EPHA6: variants seen among roughly 807,000 people sequenced by gnomAD.
EPHA6 encodes ephrin type-A receptor 6.
EPHA6 carries 50 observed loss-of-function variants against 112.0 expected under a neutral mutation model. The observed-to-expected ratio is 0.45, with a 90% CI of 0.36 to 0.56. The LOEUF is 0.56. Ranked by LOEUF, EPHA6 falls within the 20% of genes least tolerant of loss-of-function variation. The probability of loss-of-function intolerance (pLI) is 0.00; values close to 1 mark genes in which losing one functional copy is unlikely to be tolerated. For missense variants in EPHA6, 1,280 were observed against 1,417.4 expected, an observed-to-expected ratio of 0.90 and a Z score of 1.56; for synonymous variants, 529 against 490.7, an observed-to-expected ratio of 1.08 and a Z score of -1.03.
At chr3:97,105,346 T>C (rs1233080036) in intron 3 of EPHA6, among the ~76,000 whole-genome samples, 2 of 152,142 alleles carry the variant, frequency 1.3e-5, no homozygotes, top group Non-Finnish European at 2.9e-5. Flanking sequence ...TTCTGGTATG[T>C]TGTATCTTTG....
intron 14 of EPHA6, chr3:97,648,661 A>G: frequency 9.4e-7 from 1 of 1,068,326 alleles, no homozygotes; most frequent in Non-Finnish European, 1.1e-6. Context: ...AAACATACTC[A>G]GAACTTTCAC....
intron 1 of EPHA6, among the ~76,000 whole-genome samples, chr3:96,827,222 A>C (rs537943113): frequency 2.6e-5 from 4 of 152,214 alleles, no homozygotes; most frequent in Middle Eastern, 3.4e-3. Flanking sequence ...GCTCTGAGAA[A>C]GTTTTTCTTG....
intron 3 of EPHA6, among the ~76,000 whole-genome samples, chr3:97,113,882 C>G (rs1419061737): frequency 1.3e-5 from 2 of 152,044 alleles, no homozygotes; most frequent in East Asian, 1.9e-4. Context: ...ATATTTTATG[C>G]ATATCTAGTG....
chr3:97,060,768 A>G (rs2045992804), intron 3 of EPHA6, among the ~76,000 whole-genome samples: 1 of 151,336 alleles, frequency 6.6e-6, no homozygotes, highest in Non-Finnish European at 1.5e-5. Context: ...AAAAAAAATA[A>G]TAATAATTAG....
intron 5 of EPHA6, among the ~76,000 whole-genome samples, chr3:97,347,083 G>A (rs550355585): frequency 2.0e-5 from 3 of 152,158 alleles, no homozygotes; most frequent in Non-Finnish European, 4.4e-5. Flanking sequence ...GAGACCACCA[G>A]TTGTCTCTGA....
At chr3:97,581,328 ATTTTAC>A (rs1421354049) in intron 11 of EPHA6, among the ~76,000 whole-genome samples, 1 of 152,190 alleles carries the variant, frequency 6.6e-6, no homozygotes, top group African/African-American at 2.4e-5. Flanking sequence ...GAATGTTGTC[ATTTTAC>A]TTTTAGAAGT....
intron 3 of EPHA6, among the ~76,000 whole-genome samples, chr3:97,191,783 G>T (rs1295217190): frequency 6.6e-6 from 1 of 152,148 alleles, no homozygotes; most frequent in African/African-American, 2.4e-5. Flanking sequence ...GTAGTGCTGA[G>T]ATAAATATGG....
intron 11 of EPHA6, among the ~76,000 whole-genome samples, chr3:97,566,393 A>G (rs1342883953): frequency 6.6e-6 from 1 of 152,148 alleles, no homozygotes; most frequent in African/African-American, 2.4e-5. Flanking sequence ...TCAGTACTCA[A>G]CCTATCTGGT....
chr3:96,814,775 CG>C lies in EPHA6; in HGVS notation c.155del (p.Gly52AlafsTer33), dbSNP rs771576184. The C allele has an allele frequency of 6.2e-7, 1 of 1,601,580 alleles. No individual in the cohort carries two copies. Among genetic ancestry groups the C allele is most frequent in the Non-Finnish European group, 8.5e-7 (1 of 1,172,906 alleles). On this transcript the variant is annotated frameshift_variant, in exon 1 of 18. Coordinates refer to ENST00000389672, the MANE Select transcript of EPHA6 (RefSeq NM_001080448.3). LOFTEE classifies it high-confidence loss of function. Reference protein sequence around the residue: ...SRRGRPGTPPAGRVEEEEEEE... With the variant: ...SRRGRPGTPPXGRVEEEEEEE... The stretch of plus-strand genomic sequence containing the variant: ...AGGGGGCGCCCCGGGACACCCCCTG[CG>C]GGCCGGGTGGAGGAGGAAGAGGAGG...
intron 11 of EPHA6, among the ~76,000 whole-genome samples, chr3:97,586,606 TACAC>T (rs1322096229): frequency 2.6e-5 from 4 of 151,134 alleles, no homozygotes; most frequent in Non-Finnish European, 4.4e-5. Context: ...TGGAGGGAAA[TACAC>T]AGTCTGACAA....
At chr3:97,210,976 C>G (rs1478497717) in intron 3 of EPHA6, among the ~76,000 whole-genome samples, 1 of 152,178 alleles carries the variant, frequency 6.6e-6, no homozygotes, top group East Asian at 1.9e-4. Context: ...GCGTGGCCAT[C>G]TCCATGGCTG....
At chr3:97,059,466 T>A (rs2108115588) in intron 3 of EPHA6, among the ~76,000 whole-genome samples, 1 of 152,180 alleles carries the variant, frequency 6.6e-6, no homozygotes, top group Middle Eastern at 3.4e-3. Flanking sequence ...GGATTTCATA[T>A]TTTCAGTCAT....
chr3:97,324,439 T>G (rs1459965416), intron 5 of EPHA6, among the ~76,000 whole-genome samples: 2 of 147,794 alleles, frequency 1.4e-5, no homozygotes, highest in Admixed American at 6.8e-5. Flanking sequence ...CTTTCTTTCT[T>G]TCTTTCTTTC....
chr3:97,285,846 TC>T (rs1292463294), intron 5 of EPHA6, among the ~76,000 whole-genome samples: 1 of 152,120 alleles, frequency 6.6e-6, no homozygotes, highest in Non-Finnish European at 1.5e-5. Flanking sequence ...TAATTTACAT[TC>T]CCACCAACAG....
chr3:97,550,707 A>G lies in EPHA6; in HGVS notation c.2386+18164A>G, dbSNP rs576470232. On this transcript the variant is annotated intron_variant, in intron 11 of 17. Transcript: ENST00000389672. ...CAGGAAGAATACATTCAAGAAATAG[A>G]GGGGGAAATCCTGTGTGATATTAAG... 6.6e-5 allele frequency among the ~76,000 whole-genome samples: 10 copies of G among 152,282 alleles called. No individual in the cohort carries two copies. The East Asian group carries it at 1.9e-3, about 29-fold the overall frequency.
chr3:97,648,187 A>G, intron 14 of EPHA6: 1 of 567,140 alleles, frequency 1.8e-6, no homozygotes, highest in Non-Finnish European at 3.1e-6. Flanking sequence ...ATTCAGTCGA[A>G]ATACTTTGTT....
intron 3 of EPHA6, among the ~76,000 whole-genome samples, chr3:97,107,366 G>A (rs368153673): frequency 1.3e-5 from 2 of 151,776 alleles, no homozygotes; most frequent in Non-Finnish European, 2.9e-5. Context: ...TTTCATAACC[G>A]AGTCATCCTG....
At chr3:97,334,465 CT>C (rs1197089262) in intron 5 of EPHA6, among the ~76,000 whole-genome samples, 2 of 142,880 alleles carry the variant, frequency 1.4e-5, no homozygotes, top group Non-Finnish European at 3.0e-5. Context: ...TCTTTTCTTT[CT>C]TTTTTTTTCT....
chr3:97,187,521 A>G (rs1018456762), intron 3 of EPHA6, among the ~76,000 whole-genome samples: 2 of 151,380 alleles, frequency 1.3e-5, no homozygotes, highest in African/African-American at 4.9e-5. Context: ...CAGTGAGCCA[A>G]GATTGTAACA....
Sources: gnomAD v4.1 joint callset for allele counts (sites outside exome capture counted in the v4.1 genomes callset) on GRCh38, gnomAD v4.1.1 for gene constraint, MANE v1.5 for transcripts, NCBI Gene and HGNC (gene_info 2026-07-23, HGNC 2026-07-21) for gene names.